Variants in FMN1 observed in about 807,000 individuals in gnomAD.
FMN1 encodes formin-1.
Under a neutral mutation model 132.4 loss-of-function variants are expected in FMN1, and 110 were observed. That is an observed-to-expected ratio of 0.83 (90% confidence interval 0.71 to 0.97). FMN1 has a LOEUF of 0.97. FMN1 is among the 50% of genes least tolerant of loss of function. The pLI is 0.00. For synonymous variants in FMN1, 722 were observed against 651.7 expected, an observed-to-expected ratio of 1.11 and a Z score of -1.64; for missense variants, 1,792 against 1,705.3, an observed-to-expected ratio of 1.05 and a Z score of -0.90.
intron 17 of FMN1, among the ~76,000 whole-genome samples, chr15:32,829,773 T>C (rs967765038): frequency 2.0e-5 from 3 of 152,146 alleles, no homozygotes; most frequent in African/African-American, 4.8e-5. Context: ...GTGAGGAAAA[T>C]AGTTACAACT....
At position 33,012,793 on chromosome 15, in the gene FMN1, G is replaced by A. The variant is rs765845930; in HGVS notation, c.2162-4718C>T. 3.8e-4 allele frequency: 261 copies of A among 688,646 alleles called. 1 individual carries two copies. In the Middle Eastern group the frequency reaches 4.9e-3, roughly 13 times the overall value. 42.7% of individuals were successfully genotyped at this position (688,646 alleles called of 1,614,324 possible). On this transcript the variant is annotated intron_variant, in intron 6 of 20. Coordinates refer to ENST00000616417, the MANE Select transcript of FMN1 (RefSeq NM_001277313.2). ...TGGAGAAAACTTCAGTGGTCATGGTGGCTTTAGTGGCAGCTGTGGTGGTGG... is the reference window on the plus strand; with the variant it reads ...TGGAGAAAACTTCAGTGGTCATGGTAGCTTTAGTGGCAGCTGTGGTGGTGG...
At chr15:33,150,687 G>T in intron 4 of FMN1, 1 of 985,510 alleles carries the variant, frequency 1.0e-6, no homozygotes, top group Non-Finnish European at 1.2e-6. Context: ...ACTGGAAACA[G>T]ATCTGATTAC....
intron 4 of FMN1, among the ~76,000 whole-genome samples, chr15:33,152,788 CAAAAA>C (rs367698101): frequency 3.0e-5 from 2 of 65,930 alleles, no homozygotes; most frequent in Non-Finnish European, 2.5e-5. Flanking sequence ...TAGAGGATGC[CAAAAA>C]AAAAAAAAAA....
intron 4 of FMN1, among the ~76,000 whole-genome samples, chr15:33,135,583 C>T (rs1963729794): frequency 6.6e-6 from 1 of 152,110 alleles, no homozygotes; most frequent in African/African-American, 2.4e-5. Context: ...AAAGCAGTTC[C>T]CTCAGGAACA....
intron 17 of FMN1, among the ~76,000 whole-genome samples, chr15:32,851,911 T>TA (rs2059018314): frequency 1.3e-5 from 2 of 152,216 alleles, no homozygotes; most frequent in Non-Finnish European, 2.9e-5. Flanking sequence ...TAAAACTTTA[T>TA]AAGTGATAAG....
chr15:32,963,923 TCACACACA>T lies in FMN1; in HGVS notation c.3138+176_3138+183del, dbSNP rs35753530. On this transcript the variant is annotated intron_variant, in intron 9 of 20. Coordinates refer to ENST00000616417, the MANE Select transcript of FMN1 (RefSeq NM_001277313.2). ...ACAGCATGTAATGAATTCCTATGAA[TCACACACA>T]CACACACACACACACAGAATATGTA... Among the ~76,000 whole-genome samples, 637 of 143,782 alleles carry T rather than the reference TCACACACA, an allele frequency of 4.4e-3. 4 individuals carry two copies. The highest frequency in any genetic ancestry group is 0.016 in the African/African-American group (608 of 39,014). 94.3% of individuals were successfully genotyped at this position (143,782 alleles called of 152,430 possible). A position where few individuals can be genotyped will look rare whatever the true frequency, so the allele number is the denominator to read the frequency against.
intron 4 of FMN1, among the ~76,000 whole-genome samples, chr15:33,120,387 G>C (rs535121481): frequency 1.3e-5 from 2 of 152,218 alleles, no homozygotes; most frequent in South Asian, 4.1e-4. Flanking sequence ...GTTACCAGTT[G>C]TGCCCATAGT....
intron 7 of FMN1, among the ~76,000 whole-genome samples, chr15:32,984,327 C>G (rs2032913862): frequency 6.6e-6 from 1 of 152,106 alleles, no homozygotes; most frequent in African/African-American, 2.4e-5. Flanking sequence ...AGAACACCAC[C>G]TATCAAACAG....
At chr15:32,868,705 C>T (rs1363722462) in intron 16 of FMN1, among the ~76,000 whole-genome samples, 2 of 152,106 alleles carry the variant, frequency 1.3e-5, no homozygotes, top group African/African-American at 4.8e-5. Context: ...CTCATTCACC[C>T]ACTTTCACTC....
intron 9 of FMN1, among the ~76,000 whole-genome samples, chr15:32,939,903 T>G (rs2061362969): frequency 1.3e-5 from 2 of 152,284 alleles, no homozygotes; most frequent in South Asian, 4.1e-4. Flanking sequence ...GGTAGGAAAT[T>G]TAATATATAT....
intron 7 of FMN1, among the ~76,000 whole-genome samples, chr15:32,983,010 A>G (rs1338792627): frequency 6.6e-6 from 1 of 152,148 alleles, no homozygotes; most frequent in Non-Finnish European, 1.5e-5. Context: ...ATATATATCT[A>G]TATATTTTAC....
At chr15:33,138,567 A>G (rs1224100288) in intron 4 of FMN1, among the ~76,000 whole-genome samples, 1 of 151,934 alleles carries the variant, frequency 6.6e-6, no homozygotes, top group African/African-American at 2.4e-5. Context: ...CAAACTTTGT[A>G]TTTTCATGGG....
intron 16 of FMN1, among the ~76,000 whole-genome samples, chr15:32,866,983 C>A (rs920981512): frequency 6.6e-6 from 1 of 152,198 alleles, no homozygotes; most frequent in Non-Finnish European, 1.5e-5. Context: ...TGCTCCTCCT[C>A]CCATGCTATG....
At chr15:32,873,862 T>C (rs112506239) in intron 16 of FMN1, among the ~76,000 whole-genome samples, 52 of 152,246 alleles carry the variant, frequency 3.4e-4, no homozygotes, top group African/African-American at 1.3e-3. Flanking sequence ...GCGCAAGGAA[T>C]TTGTCTCTGT....
At chr15:32,981,257 G>A (rs781184405) in intron 7 of FMN1, among the ~76,000 whole-genome samples, 45 of 151,996 alleles carry the variant, frequency 3.0e-4, no homozygotes, top group Non-Finnish European at 5.0e-4. Context: ...TTTGGGAGGC[G>A]GAGGCGGGTG....
intron 4 of FMN1, among the ~76,000 whole-genome samples, chr15:33,128,280 G>C (rs551627162): frequency 3.9e-5 from 6 of 152,306 alleles, no homozygotes; most frequent in African/African-American, 1.4e-4. Flanking sequence ...AAGCGCAACA[G>C]TTGGGAATTT....
chr15:33,055,496 G>A (rs1373781288), intron 6 of FMN1, among the ~76,000 whole-genome samples: 1 of 152,132 alleles, frequency 6.6e-6, no homozygotes, highest in Non-Finnish European at 1.5e-5. Flanking sequence ...GCTAGACAAA[G>A]CTACAGAACA....
chr15:33,067,208 G>A (rs1301847896), intron 5 of FMN1: 4 of 1,613,370 alleles, frequency 2.5e-6, no homozygotes, highest in East Asian at 2.2e-5. Context: ...GCGACGCTCT[G>A]TCTGAAGACC....
chr15:32,978,593 C>T, intron 7 of FMN1, among the ~76,000 whole-genome samples: 1 of 152,174 alleles, frequency 6.6e-6, no homozygotes, highest in Non-Finnish European at 1.5e-5. Flanking sequence ...ATTATCACTA[C>T]TGAAGCTGCA....
Sources: gnomAD v4.1 joint callset for allele counts (sites outside exome capture counted in the v4.1 genomes callset) on GRCh38, gnomAD v4.1.1 for gene constraint, MANE v1.5 for transcripts, NCBI Gene and HGNC (gene_info 2026-07-23, HGNC 2026-07-21) for gene names.